FCRL4: variants seen among roughly 807,000 people sequenced by gnomAD.
FCRL4 encodes the protein Fc receptor like 4, also known as Fc receptor-like protein 4.
Under a neutral mutation model 64.1 loss-of-function variants are expected in FCRL4, and 43 were observed. The ratio of observed to expected loss-of-function variants is 0.67; its 90% CI spans 0.53 to 0.87. The LOEUF (loss-of-function observed/expected upper bound fraction) is 0.87. Among genes scored for constraint, FCRL4 ranks in the 40% least tolerant of loss-of-function variants. The pLI is 0.00. For missense variants in FCRL4, 656 were observed against 613.5 expected, an observed-to-expected ratio of 1.07 and a Z score of -0.73; for synonymous variants, 253 against 239.8, an observed-to-expected ratio of 1.05 and a Z score of -0.51.
Position 157,580,343 on chromosome 1 carries a change from C to T in FCRL4, c.1255G>A (p.Gly419Ser). 1 of 1,614,100 alleles carries T rather than the reference C, an allele frequency of 6.2e-7. No individual in the cohort carries two copies. The change falls in exon 8 of 12, where the codon GGT becomes AGT. Residue 419 changes from glycine to serine, a missense_variant. Transcript: ENST00000271532. ...CACCTGGTTTCGTCTCCCAAGAAACCAACTCCTGCAAAATAAAGCAAAGAC... is the reference window on the plus strand; with the variant it reads ...CACCTGGTTTCGTCTCCCAAGAAACTAACTCCTGCAAAATAAAGCAAAGAC... ...HCWRRRKSGV[G>S]FLGDETRLPP...
chr1:157,586,573 A>G, intron 5 of FCRL4, 118 bp from the exon 6 acceptor site: 1 of 854,346 alleles, frequency 1.2e-6, no homozygotes, highest in South Asian at 1.7e-5. Context: ...TTCAGCAGGC[A>G]CTAGCATTGT....
intron 7 of FCRL4, 131 bp downstream of exon 7, chr1:157,581,400 G>A: frequency 1.4e-6 from 1 of 691,212 alleles, no homozygotes; most frequent in Non-Finnish European, 2.5e-6. Context: ...GTGAGTGTGT[G>A]TGAACGCTGG....
chr1:157,586,096 G>A (rs982013127), intron 6 of FCRL4, 72 bp downstream of exon 6: 3 of 1,441,858 alleles, frequency 2.1e-6, no homozygotes, highest in Admixed American at 2.1e-5. Context: ...ACAGGGTAAT[G>A]TTAGCTATCC....
chr1:157,593,356 G>T (rs1247684734), intron 2 of FCRL4, among the ~76,000 whole-genome samples: 2 of 152,260 alleles, frequency 1.3e-5, no homozygotes, highest in South Asian at 4.2e-4. Context: ...CTGTGGGAGA[G>T]TAAGGACCTA....
At position 157,587,566 on chromosome 1, in the gene FCRL4, G is replaced by A; in HGVS notation, c.563-6C>T. The A allele has an allele frequency of 6.2e-7, 1 of 1,612,092 alleles. No individual in the cohort carries two copies. Among genetic ancestry groups the A allele is most frequent in the Non-Finnish European group, 8.5e-7 (1 of 1,179,530 alleles). On this transcript the variant is annotated splice_region_variant and splice_polypyrimidine_tract_variant and intron_variant, in intron 4 of 11. Transcript: ENST00000271532. Reference sequence around the variant, plus strand: ...CTCTGGATGTGGAAATAGTTCTAGAGAGAAGAGGTAAGTCAAGTTCTGAGC... The same window carrying A: ...CTCTGGATGTGGAAATAGTTCTAGAAAGAAGAGGTAAGTCAAGTTCTGAGC...
chr1:157,581,699 G>C, intron 6 of FCRL4, 55 bp from the exon 7 acceptor site: 1 of 1,412,696 alleles, frequency 7.1e-7, no homozygotes, highest in Non-Finnish European at 9.9e-7. Flanking sequence ...GTTTGGGATT[G>C]CCTTTTCCTC....
intron 6 of FCRL4, among the ~76,000 whole-genome samples, chr1:157,584,195 C>A (rs988412328): frequency 3.9e-5 from 6 of 152,150 alleles, no homozygotes; most frequent in African/African-American, 1.2e-4. Flanking sequence ...ACACCCTCTA[C>A]CATCAGTGTT....
intron 6 of FCRL4, among the ~76,000 whole-genome samples, chr1:157,584,179 G>A (rs1182000061): frequency 6.6e-6 from 1 of 152,140 alleles, no homozygotes; most frequent in Non-Finnish European, 1.5e-5. Context: ...CCTTCCTGCA[G>A]AAGAAACACC....
chr1:157,577,659 G>A lies in FCRL4; in HGVS notation c.1429+815C>T, dbSNP rs1013793243. Among the ~76,000 whole-genome samples the A allele has an allele frequency of 3.3e-5, 5 of 152,204 alleles. No homozygotes were observed. The East Asian group carries it at 9.6e-4, about 29-fold the overall frequency. ...TGTTTTACTGAAGCAGCTAGAATTT[G>A]TAGGACAGTACCAGAGAGACAGGAG... On this transcript the variant is annotated intron_variant, in intron 10 of 11. Coordinates refer to ENST00000271532, the MANE Select transcript of FCRL4 (RefSeq NM_031282.3).
intron 6 of FCRL4, among the ~76,000 whole-genome samples, chr1:157,584,153 C>G (rs761070049): frequency 6.6e-6 from 1 of 152,162 alleles, no homozygotes; most frequent in Non-Finnish European, 1.5e-5. Flanking sequence ...CTGAGGTAAA[C>G]TTTTCAGAAT....
intron 10 of FCRL4, among the ~76,000 whole-genome samples, chr1:157,576,575 C>A (rs1358908325): frequency 6.6e-6 from 1 of 152,144 alleles, no homozygotes; most frequent in East Asian, 1.9e-4. Context: ...TGTAACTAGT[C>A]CATCAACAGA....
chr1:157,580,503 T>C (rs1359293765), intron 7 of FCRL4, 155 bp from the exon 8 acceptor site: 6 of 754,920 alleles, frequency 7.9e-6, no homozygotes, highest in South Asian at 1.7e-5. Context: ...GAAAAAAAGA[T>C]TGTACAAAGC....
chr1:157,587,208 G>T, intron 5 of FCRL4, 68 bp downstream of exon 5: 1 of 1,553,160 alleles, frequency 6.4e-7, no homozygotes. Context: ...CTGCTACATA[G>T]TCCCCATGCC....
intron 6 of FCRL4, among the ~76,000 whole-genome samples, chr1:157,585,354 C>G (rs1558155038): frequency 3.3e-5 from 2 of 61,504 alleles, no homozygotes; most frequent in East Asian, 1.1e-3. Context: ...CTCTTTCTTT[C>G]TTTCTTTCTT....
chr1:157,588,822 G>C (rs567792676), intron 3 of FCRL4, among the ~76,000 whole-genome samples: 1 of 152,198 alleles, frequency 6.6e-6, no homozygotes, highest in Non-Finnish European at 1.5e-5. Flanking sequence ...AAAAGCATCA[G>C]GTTGGAGATT....
chr1:157,585,386 CT>C (rs1246481977), intron 6 of FCRL4, among the ~76,000 whole-genome samples: 1 of 97,084 alleles, frequency 1.0e-5, no homozygotes, highest in African/African-American at 3.8e-5. Flanking sequence ...TTCTTTCTTT[CT>C]TTCTTTCCTT....
chr1:157,587,092 T>A (rs984511439), intron 5 of FCRL4, among the ~76,000 whole-genome samples, 184 bp downstream of exon 5: 1 of 152,208 alleles, frequency 6.6e-6, no homozygotes, highest in Non-Finnish European at 1.5e-5. Flanking sequence ...GAAGACTGAG[T>A]TTTTAGGAAA....
In FCRL4 at chr1:157,596,364, G is replaced by C; in HGVS notation, c.32-16C>G. ...CAGACTGGAGCTGAAAGAGAGTAAA[G>C]AGCCAGCCATCAGCGTAGGCGAAGA... On this transcript the variant is annotated splice_polypyrimidine_tract_variant and intron_variant, in intron 1 of 11. Transcript: ENST00000271532. The C allele has an allele frequency of 1.9e-6, 3 of 1,613,908 alleles. No homozygotes were observed. The highest frequency in any genetic ancestry group is 2.5e-6 in the Non-Finnish European group (3 of 1,179,896).
chr1:157,585,394 C>CTTTCTTTCTTTCTTT (rs1558155158), intron 6 of FCRL4, among the ~76,000 whole-genome samples: 56 of 76,086 alleles, frequency 7.4e-4, no homozygotes, highest in African/African-American at 2.4e-3. Context: ...TTCTTTCTTT[C>CTTTCTTTCTTTCTTT]CTTCTTTCTT....
Sources: gnomAD v4.1 joint callset for allele counts (sites outside exome capture counted in the v4.1 genomes callset) on GRCh38, gnomAD v4.1.1 for gene constraint, MANE v1.5 for transcripts, NCBI Gene and HGNC (gene_info 2026-07-23, HGNC 2026-07-21) for gene names.